Variants in SCN9A observed in about 807,000 individuals in gnomAD.
The protein encoded by SCN9A is sodium channel protein type 9 subunit alpha.
SCN9A carries 131 observed loss-of-function variants against 187.0 expected under a neutral mutation model. That is an observed-to-expected ratio of 0.70 (90% CI 0.61 to 0.81). The LOEUF is 0.81. Among genes scored for constraint, SCN9A ranks in the 30% least tolerant of loss-of-function variants. The pLI is 0.00. For synonymous variants in SCN9A, 809 were observed against 808.6 expected (o/e 1.00, Z -0.01); for missense variants, 2,252 against 2,396.6 (o/e 0.94, Z 1.26).
chr2:166,341,866 C>T (rs998599735), intron 1 of SCN9A, among the ~76,000 whole-genome samples: 1 of 152,178 alleles, frequency 6.6e-6, no homozygotes, highest in African/African-American at 2.4e-5. Context: ...TCATCAATAA[C>T]ATTAATCTGT....
chr2:166,314,029 T>C (rs1410167301), intron 1 of SCN9A, among the ~76,000 whole-genome samples: 1 of 152,216 alleles, frequency 6.6e-6, no homozygotes, highest in Admixed American at 6.5e-5. Context: ...TGCTGTCTTA[T>C]GTGGATGTGG....
intron 1 of SCN9A, among the ~76,000 whole-genome samples, chr2:166,347,992 G>A (rs1699942874): frequency 6.6e-6 from 1 of 152,112 alleles, no homozygotes; most frequent in Non-Finnish European, 1.5e-5. Context: ...ACCTACATAG[G>A]AAATTGGCAA....
At chr2:166,226,945 C>A (rs1371797483) in intron 23 of SCN9A, among the ~76,000 whole-genome samples, 1 of 151,816 alleles carries the variant, frequency 6.6e-6, no homozygotes, top group South Asian at 2.1e-4. Context: ...CTTCAAATAA[C>A]TACAAAGGGC....
chr2:166,348,770 T>C (rs991393922), intron 1 of SCN9A, among the ~76,000 whole-genome samples: 1 of 152,116 alleles, frequency 6.6e-6, no homozygotes, highest in Non-Finnish European at 1.5e-5. Context: ...CAATAGGGCA[T>C]TTTAATTCTT....
intron 1 of SCN9A, among the ~76,000 whole-genome samples, chr2:166,355,077 A>G (rs1162199244): frequency 6.6e-6 from 1 of 151,354 alleles, no homozygotes; most frequent in Non-Finnish European, 1.5e-5. Context: ...AGCTAGGACT[A>G]CAGGTGTGCA....
intron 10 of SCN9A, among the ~76,000 whole-genome samples, chr2:166,287,450 ATTT>A (rs1279983214): frequency 1.3e-5 from 2 of 152,024 alleles, no homozygotes; most frequent in Non-Finnish European, 2.9e-5. Flanking sequence ...AATTTTCATA[ATTT>A]TCTTAGTTAT....
At chr2:166,305,472 A>G (rs987071100) in intron 5 of SCN9A, among the ~76,000 whole-genome samples, 1 of 152,094 alleles carries the variant, frequency 6.6e-6, no homozygotes, top group Non-Finnish European at 1.5e-5. Context: ...TGTGCTTCTT[A>G]TAGGTTTTAT....
intron 2 of SCN9A, among the ~76,000 whole-genome samples, chr2:166,310,459 C>G (rs2106532837): frequency 1.2e-5 from 1 of 85,424 alleles, no homozygotes; most frequent in East Asian, 2.5e-4. Flanking sequence ...ACAGACACTT[C>G]TCAAAAGAAG....
intron 1 of SCN9A, among the ~76,000 whole-genome samples, chr2:166,374,219 T>C (rs1700632032): frequency 6.6e-6 from 1 of 152,212 alleles, no homozygotes; most frequent in South Asian, 2.1e-4. Flanking sequence ...GCATATCATA[T>C]ATCCAGTCAC....
intron 26 of SCN9A, among the ~76,000 whole-genome samples, chr2:166,200,882 C>T (rs1693477630): frequency 6.6e-6 from 1 of 152,174 alleles, no homozygotes; most frequent in Non-Finnish European, 1.5e-5. Context: ...TGATTTCGCC[C>T]ACCTCGGCCT....
In SCN9A at chr2:166,242,653, C is replaced by A; in HGVS notation, c.3476G>T (p.Cys1159Phe). 6.5e-7 allele frequency: 1 copy of A among 1,546,232 alleles called. No homozygotes were observed. The highest frequency in any genetic ancestry group is 8.7e-7 in the Non-Finnish European group (1 of 1,143,672). The change falls in exon 19 of 27, where the codon TGT becomes TTT. Residue 1159 changes from cysteine (C) to phenylalanine (F), a missense_variant. Transcript: ENST00000642356. ...DEPEACFTDG[C>F]VWRFSCCQVN... ...TTGGCAGCATGAGAACCTCCATACA[C>A]AACCTGACAAGAAAGACATGCATGT...
intron 7 of SCN9A, among the ~76,000 whole-genome samples, chr2:166,295,360 T>G (rs1698251954): frequency 6.6e-6 from 1 of 152,204 alleles, no homozygotes; most frequent in African/African-American, 2.4e-5. Context: ...TGTGATACAT[T>G]CTGAGAAATG....
intron 1 of SCN9A, among the ~76,000 whole-genome samples, chr2:166,362,254 G>A (rs1700303316): frequency 6.6e-6 from 1 of 151,958 alleles, no homozygotes; most frequent in South Asian, 2.1e-4. Flanking sequence ...AAACTAACAT[G>A]TTCATAGATA....
chr2:166,298,791 C>T (rs1259969564), intron 7 of SCN9A: 1 of 152,160 alleles, frequency 6.6e-6, no homozygotes, highest in Non-Finnish European at 1.5e-5. Context: ...TACCAAATGG[C>T]TGAATGTTGG....
Position 166,204,108 on chromosome 2 carries a change from G to T in SCN9A, c.4621C>A (p.Gln1541Lys), listed in dbSNP as rs1064796825. The change falls in exon 26 of 27, where the codon CAA (glutamine) becomes AAA (lysine). Residue 1541 changes from glutamine to lysine, a missense_variant. By Grantham distance (53) the Gln-to-Lys change is moderately conservative. Around this residue, in one of 7 missense-constraint regions of SCN9A, gnomAD observed 368 missense variants for 408.6 expected, o/e 0.90. Coordinates refer to ENST00000642356, the MANE Select transcript of SCN9A (RefSeq NM_001365536.1). ...CAATATAAAACTTCAGTCATATGTT[G>T]ACTTTGACCCTCCTTTTCTACCATC... Reference protein sequence around the residue: ...TMMVEKEGQSQHMTEVLYWIN... With the variant: ...TMMVEKEGQSKHMTEVLYWIN... 3.1e-6 allele frequency: 5 copies of T among 1,612,532 alleles called. No homozygotes were observed. In the African/African-American group the frequency reaches 5.3e-5, roughly 17 times the overall value.
At chr2:166,338,009 T>C (rs1229135868) in intron 1 of SCN9A, among the ~76,000 whole-genome samples, 2 of 152,138 alleles carry the variant, frequency 1.3e-5, no homozygotes, top group African/African-American at 2.4e-5. Flanking sequence ...AAGAGGTCTA[T>C]GGACTACTTG....
intron 18 of SCN9A, among the ~76,000 whole-genome samples, chr2:166,247,157 C>A (rs1240046827): frequency 8.9e-3 from 373 of 41,698 alleles, no homozygotes; most frequent in South Asian, 0.013. Flanking sequence ...CCAAAGCTCT[C>A]AAAAAAAAAA....
intron 13 of SCN9A, 26 bp downstream of exon 13, chr2:166,281,653 T>G: frequency 1.2e-6 from 2 of 1,600,900 alleles, no homozygotes; most frequent in Non-Finnish European, 1.7e-6. Flanking sequence ...TAAGAATCTG[T>G]ACAGTAAAAG....
chr2:166,302,877 C>A, intron 7 of SCN9A: 1 of 428,348 alleles, frequency 2.3e-6, no homozygotes, highest in South Asian at 3.3e-5. Flanking sequence ...ATGGAACTAT[C>A]CTGTGTTCCT....
Sources: gnomAD v4.1 joint callset for allele counts (sites outside exome capture counted in the v4.1 genomes callset) on GRCh38, gnomAD v4.1.1 for gene constraint, gnomAD v4.1.1 regional missense constraint, MANE v1.5 for transcripts, NCBI Gene and HGNC (gene_info 2026-07-23, HGNC 2026-07-21) for gene names.